The following VIPR2 variants were observed in gnomAD, a reference collection of about 807,000 sequenced individuals.
VIPR2 encodes vasoactive intestinal polypeptide receptor 2.
VIPR2 carries 48 observed loss-of-function variants against 58.0 expected under a neutral mutation model. That is an observed-to-expected ratio of 0.83 (90% CI 0.66 to 1.05). VIPR2 has a LOEUF of 1.05. VIPR2 is among the 50% of genes least tolerant of loss of function. VIPR2 has a pLI of 0.00. For missense variants in VIPR2, 534 were observed against 558.0 expected (o/e 0.96, Z 0.43); for synonymous variants, 243 against 235.2 (o/e 1.03, Z -0.30).
At chr7:159,058,772 C>A (rs1198410752) in intron 4 of VIPR2, among the ~76,000 whole-genome samples, 194 bp from the exon 5 acceptor site, 1 of 152,230 alleles carries the variant, frequency 6.6e-6, no homozygotes, top group East Asian at 1.9e-4. Context: ...GGAACCTCCA[C>A]TTTTTTCTTA....
intron 2 of VIPR2, among the ~76,000 whole-genome samples, chr7:159,135,969 G>A (rs1797203317): frequency 6.6e-6 from 1 of 152,188 alleles, no homozygotes; most frequent in Non-Finnish European, 1.5e-5. Flanking sequence ...AGGACTGGGT[G>A]CTGACCCAGA....
intron 4 of VIPR2, among the ~76,000 whole-genome samples, chr7:159,088,496 A>G (rs1388261409): frequency 6.6e-6 from 1 of 152,038 alleles, no homozygotes; most frequent in Non-Finnish European, 1.5e-5. Flanking sequence ...CCCGTATACC[A>G]CACACAAGCT....
chr7:159,050,739 G>C (rs553815978), intron 5 of VIPR2, among the ~76,000 whole-genome samples: 1 of 152,046 alleles, frequency 6.6e-6, no homozygotes, highest in Non-Finnish European at 1.5e-5. Flanking sequence ...TAGCCACAAG[G>C]TTTTTTGAAA....
chr7:159,052,134 G>A (rs1415146412), intron 5 of VIPR2, among the ~76,000 whole-genome samples: 1 of 152,128 alleles, frequency 6.6e-6, no homozygotes, highest in Non-Finnish European at 1.5e-5. Context: ...AAGCTTCAGA[G>A]GACTGAAAGT....
Position 159,058,364 on chromosome 7 carries a change from G to A in VIPR2, c.455+117C>T, listed in dbSNP as rs142044875. The A allele has an allele frequency of 1.1e-3, 826 of 757,454 alleles. 3 individuals are homozygous for A. In the African/African-American group the frequency reaches 0.013, roughly 12 times the overall value. 46.9% of individuals were successfully genotyped at this position (757,454 alleles called of 1,614,324 possible). On this transcript the variant is annotated intron_variant, in intron 5 of 12. Transcript: ENST00000262178. ...CATATTTAATGGCAGCATTCTCCAT[G>A]GGAGTCTTATTGGCTTAGCACACAG...
intron 2 of VIPR2, among the ~76,000 whole-genome samples, chr7:159,141,476 T>C (rs1797463156): frequency 6.6e-6 from 1 of 152,230 alleles, no homozygotes; most frequent in Admixed American, 6.5e-5. Context: ...GCTGGCCGCC[T>C]GTGGCTACTG....
intron 12 of VIPR2, 61 bp from the exon 13 acceptor site, chr7:159,030,850 G>A: frequency 7.0e-7 from 1 of 1,423,424 alleles, no homozygotes; most frequent in Non-Finnish European, 9.2e-7. Flanking sequence ...GGCTGCTATG[G>A]GAAGCGCGGC....
At chr7:159,085,443 G>C (rs1342810473) in intron 4 of VIPR2, among the ~76,000 whole-genome samples, 1 of 152,118 alleles carries the variant, frequency 6.6e-6, no homozygotes, top group Non-Finnish European at 1.5e-5. Flanking sequence ...CTACAGGCAC[G>C]TGCCACCACG....
At chr7:159,075,017 AT>A (rs1856568675) in intron 4 of VIPR2, among the ~76,000 whole-genome samples, 1 of 152,236 alleles carries the variant, frequency 6.6e-6, no homozygotes. Context: ...TTTAGCTGAT[AT>A]TTAAATAGCT....
At chr7:159,126,040 G>A (rs532522071) in intron 2 of VIPR2, among the ~76,000 whole-genome samples, 26 of 152,312 alleles carry the variant, frequency 1.7e-4, no homozygotes, top group Non-Finnish European at 2.2e-4. Flanking sequence ...GAAGCTGGAT[G>A]CGACACCATC....
intron 2 of VIPR2, among the ~76,000 whole-genome samples, chr7:159,139,716 C>A (rs1227452914): frequency 2.6e-5 from 4 of 152,264 alleles, no homozygotes; most frequent in African/African-American, 9.6e-5. Context: ...TCCCAGAACA[C>A]ATAGAGACCA....
Position 159,030,485 on chromosome 7 carries a change from T to C in VIPR2, c.*131A>G. 2 of 1,157,784 alleles carry C rather than the reference T, an allele frequency of 1.7e-6. No homozygotes were observed. The highest frequency in any genetic ancestry group is 2.3e-6 in the Non-Finnish European group (2 of 858,642). The allele number at this position is 1,157,784 out of a possible 1,614,324, so 71.7% of individuals were successfully genotyped here. On this transcript the variant is annotated 3_prime_UTR_variant, in exon 13 of 13. Coordinates refer to ENST00000262178, the MANE Select transcript of VIPR2 (RefSeq NM_003382.5). ...TATGGGGTTTAGTGGACAACCAGCTTGACGGAGTCAGGACCGCGCTGACCT... is the reference window on the plus strand; with the variant it reads ...TATGGGGTTTAGTGGACAACCAGCTCGACGGAGTCAGGACCGCGCTGACCT...
chr7:159,136,253 G>A (rs551347369), intron 2 of VIPR2, among the ~76,000 whole-genome samples: 4 of 152,146 alleles, frequency 2.6e-5, no homozygotes, highest in African/African-American at 7.2e-5. Context: ...GAGCGTGTTG[G>A]CCCAGGTCTC....
chr7:159,051,878 A>T (rs117406812), intron 5 of VIPR2, among the ~76,000 whole-genome samples: 2,007 of 152,290 alleles, frequency 0.013, 22 homozygotes, highest in Non-Finnish European at 0.019. Context: ...ACAAGCCCAC[A>T]ATTATAGTTG....
rs554015959 is a variant in VIPR2, at chr7:159,128,220, C to T, written c.151+14226G>A. On this transcript the variant is annotated intron_variant, in intron 2 of 12. Transcript: ENST00000262178. The surrounding 1 kb of genome is among the most constrained non-coding windows in gnomAD (Gnocchi z 4.1). ...TGCCCAGGGTCCACAGAACGGCCGG[C>T]CATGGTGTGGAACAGCTGCTGGGCC... Among the ~76,000 whole-genome samples the T allele has an allele frequency of 1.2e-4, 19 of 152,206 alleles. No individual in the cohort carries two copies. In the East Asian group the frequency reaches 3.5e-3, roughly 28 times the overall value.
chr7:159,116,521 A>G (rs1195033199), intron 2 of VIPR2, among the ~76,000 whole-genome samples: 1 of 152,180 alleles, frequency 6.6e-6, no homozygotes, highest in Non-Finnish European at 1.5e-5. Flanking sequence ...TGACTTTTCA[A>G]TGTAGACTGG....
intron 4 of VIPR2, among the ~76,000 whole-genome samples, chr7:159,085,391 G>C (rs1857118297): frequency 3.3e-5 from 5 of 152,180 alleles, no homozygotes; most frequent in Admixed American, 3.3e-4. Context: ...TGCCTCCCGG[G>C]TTCAAGTGAT....
intron 3 of VIPR2, among the ~76,000 whole-genome samples, chr7:159,109,413 C>T (rs1051878027): frequency 2.6e-5 from 4 of 152,182 alleles, no homozygotes; most frequent in Non-Finnish European, 5.9e-5. Flanking sequence ...AGCATGGAGG[C>T]TCTGGGTGCC....
intron 2 of VIPR2, among the ~76,000 whole-genome samples, chr7:159,134,102 T>C (rs1414426088): frequency 2.6e-5 from 4 of 152,204 alleles, no homozygotes; most frequent in East Asian, 1.9e-4. Flanking sequence ...CCAAATAAGA[T>C]AAACTACTAA....
Sources: gnomAD v4.1 joint callset for allele counts (sites outside exome capture counted in the v4.1 genomes callset) on GRCh38, gnomAD v4.1.1 for gene constraint, Gnocchi (gnomAD v3.1) non-coding constraint, MANE v1.5 for transcripts, NCBI Gene and HGNC (gene_info 2026-07-23, HGNC 2026-07-21) for gene names.